CUL7: variants seen among roughly 807,000 people sequenced by gnomAD.
CUL7 encodes the protein cullin-7.
Under a neutral mutation model 177.7 loss-of-function variants are expected in CUL7, and 96 were observed. That is an observed-to-expected ratio of 0.54 (90% CI 0.46 to 0.64). The LOEUF (loss-of-function observed/expected upper bound fraction) is 0.64, where lower values mean the gene tolerates loss of function less well. Among genes scored for constraint, CUL7 ranks in the 30% least tolerant of loss-of-function variants. The pLI is 0.00. For missense variants in CUL7, 1,893 were observed against 2,187.9 expected (o/e 0.87, Z 2.69); for synonymous variants, 824 against 890.2 (o/e 0.93, Z 1.32).
chr6:43,049,748 T>C, intron 6 of CUL7, 86 bp from the exon 7 acceptor site: 2 of 1,543,342 alleles, frequency 1.3e-6, no homozygotes, highest in South Asian at 1.1e-5. Flanking sequence ...GGGGTCTCTC[T>C]GCACACATAC....
chr6:43,045,288 C>T lies in CUL7; in HGVS notation c.2977G>A (p.Ala993Thr). ...GCCATGTCCTGGCTCCAGGCCTGTG[C>T]CCGAACCATGTAGAAGAGGCGTGTG... ...RHTRLFYMVR[A>T]QAWSQDMAED... Residue 993 changes from alanine (A) to threonine (T), a missense_variant, in exon 15 of 26, where the codon GCA becomes ACA. By Grantham distance (58) the Ala-to-Thr change is moderately conservative. This residue lies in a region of CUL7 where 973 missense variants were observed against 1,140.9 expected (regional missense o/e 0.85). Coordinates refer to ENST00000265348, the MANE Select transcript of CUL7 (RefSeq NM_014780.5). This position sits in a 1 kb window ranked among gnomAD's most constrained non-coding sequence, Gnocchi z 4.8. 6.2e-7 allele frequency: 1 copy of T among 1,614,200 alleles called. No homozygotes were observed. The highest frequency in any genetic ancestry group is 8.5e-7 in the Non-Finnish European group (1 of 1,180,038).
In CUL7 at chr6:43,040,859, C is replaced by T. The variant is rs1004294897; in HGVS notation, c.3806+56G>A. On this transcript the variant is annotated intron_variant, in intron 20 of 25. Coordinates refer to ENST00000265348, the MANE Select transcript of CUL7 (RefSeq NM_014780.5). The surrounding 1 kb of genome is among the most constrained non-coding windows in gnomAD (Gnocchi z 4.2). ...CCAGACTTCCAGGCCCATGAGCTGG[C>T]TCTGCCACCATCATCCTGCCTCCCG... 3.7e-6 allele frequency: 6 copies of T among 1,605,680 alleles called. No individual in the cohort carries two copies. The highest frequency in any genetic ancestry group is 5.1e-6 in the Non-Finnish European group (6 of 1,174,194).
rs1173494063 is a variant in CUL7 at position 43,042,801 on chromosome 6, C to T, written c.3645+1G>A. Reference sequence around the variant, plus strand: ...AGGATGAGGCAAGGGTAGAGGCTTACGTGGGCAGCTTTGAGAAAAGGGAGC... The same window carrying T: ...AGGATGAGGCAAGGGTAGAGGCTTATGTGGGCAGCTTTGAGAAAAGGGAGC... On this transcript the variant is annotated splice_donor_variant, in intron 19 of 25. Coordinates refer to ENST00000265348, the MANE Select transcript of CUL7 (RefSeq NM_014780.5). LOFTEE classifies it high-confidence loss of function. The T allele has an allele frequency of 4.4e-6, 7 of 1,608,360 alleles. No individual in the cohort carries two copies. The highest frequency in any genetic ancestry group is 1.1e-5 in the South Asian group (1 of 90,706).
At chr6:43,042,340 T>G (rs1466333378) in intron 19 of CUL7, among the ~76,000 whole-genome samples, 1 of 152,094 alleles carries the variant, frequency 6.6e-6, no homozygotes, top group Admixed American at 6.5e-5. Context: ...TTTTTTTGTT[T>G]TTTTCTTTTT....
In CUL7 at chr6:43,045,647, G is replaced by A. The variant is rs144926293; in HGVS notation, c.2802C>T (p.Leu934=). ...NVMPSASRVI[L]LENLTRFWPI... ...GCCAGAAGCGGGTCAGGTTCTCCAG[G>A]AGGATCACCCGGCTGGCAGAGGGCA... is the stretch of plus-strand genomic sequence containing the variant. Residue 934 remains leucine, a synonymous_variant, in exon 14 of 26, where the codon CTC becomes CTT. Transcript: ENST00000265348. The surrounding 1 kb of genome is among the most constrained non-coding windows in gnomAD (Gnocchi z 4.8). 1.9e-6 allele frequency: 3 copies of A among 1,614,224 alleles called. No homozygotes were observed. The highest frequency in any genetic ancestry group is 1.7e-5 in the Admixed American group (1 of 60,024).
chr6:43,052,503 C>A lies in CUL7; in HGVS notation c.286G>T (p.Ala96Ser). ...GQVIGPSQES[A>S]GEVGALDKSV... is the part of the protein sequence containing the mutation. ...TTGTCCAGGGCCCCAACCTCCCCTG[C>A]AGACTCCTGGGAGGGCCCGATGACC... The change falls in exon 2 of 26, where the codon GCA (alanine) becomes TCA (serine). Residue 96 changes from alanine (A) to serine (S), a missense_variant. By Grantham distance (99) the Ala-to-Ser change is moderately conservative. This residue lies in a region of CUL7 where 653 missense variants were observed against 725.2 expected (regional missense o/e 0.90). Transcript: ENST00000265348. This position sits in a 1 kb window ranked among gnomAD's most constrained non-coding sequence, Gnocchi z 4.5. 1 of 1,614,214 alleles carries A rather than the reference C, an allele frequency of 6.2e-7. No homozygotes were observed. Among genetic ancestry groups the A allele is most frequent in the Non-Finnish European group, 8.5e-7 (1 of 1,180,046 alleles).
chr6:43,040,166 G>A lies in CUL7; in HGVS notation c.4284C>T (p.Phe1428=), dbSNP rs12203333. 48 of 1,614,046 alleles carry A rather than the reference G, an allele frequency of 3.0e-5. No homozygotes were observed. Among genetic ancestry groups the A allele is most frequent in the Non-Finnish European group, 3.8e-5 (45 of 1,180,034 alleles). The part of the protein sequence containing the change: ...LRGTLNRYSN[F]YNKSQSHPAL... Reference sequence around the variant, plus strand: ...TGCCTGGCTGCTCACTCTTGTTGTAGAAGTTGGAGTATCTGTTCAAAGTGC... The same window carrying A: ...TGCCTGGCTGCTCACTCTTGTTGTAAAAGTTGGAGTATCTGTTCAAAGTGC... Residue 1428 remains phenylalanine, a synonymous_variant, in exon 22 of 26, where the codon TTC becomes TTT. Coordinates refer to ENST00000265348, the MANE Select transcript of CUL7 (RefSeq NM_014780.5). This position sits in a 1 kb window ranked among gnomAD's most constrained non-coding sequence, Gnocchi z 4.2.
chr6:43,040,883 C>T lies in CUL7; in HGVS notation c.3806+32G>A, dbSNP rs368123883. 3.8e-5 allele frequency: 62 copies of T among 1,610,786 alleles called. No homozygotes were observed. Among genetic ancestry groups the T allele is most frequent in the South Asian group, 1.3e-4 (12 of 90,548 alleles). On this transcript the variant is annotated intron_variant, in intron 20 of 25. Coordinates refer to ENST00000265348, the MANE Select transcript of CUL7 (RefSeq NM_014780.5). This position sits in a 1 kb window ranked among gnomAD's most constrained non-coding sequence, Gnocchi z 4.2. The stretch of plus-strand genomic sequence containing the variant: ...GCTCTGCCACCATCATCCTGCCTCC[C>T]GCCAGCTCCCGCTCCTTAGGTCCAC...
chr6:43,046,774 G>C lies in CUL7; in HGVS notation c.2397+106C>G, dbSNP rs1763951732. ...GGGAACAAATGCCCCAGGGTCACTA[G>C]AGTCACCTGCTGTTCCCAGCCATGG... On this transcript the variant is annotated intron_variant, in intron 10 of 25. Transcript: ENST00000265348. 7 of 1,235,972 alleles carry C rather than the reference G, an allele frequency of 5.7e-6. No individual in the cohort carries two copies. In the South Asian group the frequency reaches 7.4e-5, roughly 13 times the overall value. 76.6% of individuals were successfully genotyped at this position (1,235,972 alleles called of 1,614,324 possible).
In CUL7 at chr6:43,052,342, G is replaced by C. The variant is rs758338667; in HGVS notation, c.447C>G (p.Ser149Arg). Residue 149 changes from serine to arginine, a missense_variant, in exon 2 of 26, where the codon AGC becomes AGG. By Grantham distance (110) the Ser-to-Arg change is moderately radical (BLOSUM62 -1). Transcript: ENST00000265348. The surrounding 1 kb of genome is among the most constrained non-coding windows in gnomAD (Gnocchi z 4.5). ...HTVHVLSAYA[S>R]IEPLTGVFKD... The stretch of plus-strand genomic sequence containing the variant: ...TGAATACTCCAGTGAGGGGCTCAAT[G>C]CTGGCATAGGCGCTGAGCACGTGGA... 2.7e-5 allele frequency: 43 copies of C among 1,614,260 alleles called. No individual in the cohort carries two copies. The highest frequency in any genetic ancestry group is 3.6e-5 in the Non-Finnish European group (42 of 1,180,036).
At position 43,048,158 on chromosome 6, in the gene CUL7, G is replaced by A. The variant is rs1334693533; in HGVS notation, c.2159C>T (p.Thr720Ile). 8.1e-6 allele frequency: 13 copies of A among 1,611,334 alleles called. No individual in the cohort carries two copies. The highest frequency in any genetic ancestry group is 1.1e-5 in the Non-Finnish European group (13 of 1,177,628). ...GCAGGGCAGGGGTACCTCTCGATCA[G>A]TGTTTGGGGACCGCAGGCAGGCCAT... ...ACMACLRSPN[T>I]DREVLQELIF... The change falls in exon 9 of 26, where the codon ACT becomes ATT. Residue 720 changes from threonine (T) to isoleucine (I), a missense_variant. By Grantham distance (89) the Thr-to-Ile change is moderately conservative. Transcript: ENST00000265348.
chr6:43,045,673 T>A lies in CUL7; in HGVS notation c.2776A>T (p.Met926Leu). The change falls in exon 14 of 26, where the codon ATG (methionine) becomes TTG (leucine). Residue 926 changes from methionine (M) to leucine (L), a missense_variant. By Grantham distance (15) the Met-to-Leu change is conservative. Around this residue, in one of 5 missense-constraint regions of CUL7, gnomAD observed 973 missense variants for 1,140.9 expected, o/e 0.85. Coordinates refer to ENST00000265348, the MANE Select transcript of CUL7 (RefSeq NM_014780.5). The surrounding 1 kb of genome is among the most constrained non-coding windows in gnomAD (Gnocchi z 4.8). ...LHTELNSVNV[M>L]PSASRVILLE... ...AGGATCACCCGGCTGGCAGAGGGCA[T>A]CACATTCACCTGGCAGGGGGCAGAG... The A allele has an allele frequency of 1.2e-6, 2 of 1,614,168 alleles. No homozygotes were observed. Among genetic ancestry groups the A allele is most frequent in the South Asian group, 2.2e-5 (2 of 91,086 alleles).
At position 43,052,729 on chromosome 6, in the gene CUL7, G is replaced by A. The variant is rs1764530830; in HGVS notation, c.60C>T (p.Ala20=). Reference sequence around the variant, plus strand: ...GCTGGCGGATCAGCTCATCAGGATAGGCATGTAAGCCGGGCCCCAGGGGCA... The same window carrying A: ...GCTGGCGGATCAGCTCATCAGGATAAGCATGTAAGCCGGGCCCCAGGGGCA... ...FRVPLGPGLH[A]YPDELIRQRV... is the part of the protein sequence containing the mutation. Residue 20 remains alanine, a synonymous_variant, in exon 2 of 26, where the codon GCC becomes GCT. Coordinates refer to ENST00000265348, the MANE Select transcript of CUL7 (RefSeq NM_014780.5). This position sits in a 1 kb window ranked among gnomAD's most constrained non-coding sequence, Gnocchi z 4.5. The A allele has an allele frequency of 6.2e-7, 1 of 1,612,310 alleles. No homozygotes were observed. Among genetic ancestry groups the A allele is most frequent in the Non-Finnish European group, 8.5e-7 (1 of 1,180,042 alleles).
chr6:43,037,685 G>C lies in CUL7; in HGVS notation c.*3C>G. 6.4e-7 allele frequency: 1 copy of C among 1,552,174 alleles called. No homozygotes were observed. Among genetic ancestry groups the C allele is most frequent in the East Asian group, 2.4e-5 (1 of 41,120 alleles). On this transcript the variant is annotated 3_prime_UTR_variant, in exon 26 of 26. Transcript: ENST00000265348. ...CTACCTTCCCCTGACCCCAAGTCTAGGGCTACCGGAAGGTAGAGAAGCTCT... is the reference window on the plus strand; with the variant it reads ...CTACCTTCCCCTGACCCCAAGTCTACGGCTACCGGAAGGTAGAGAAGCTCT...
chr6:43,046,055 A>G lies in CUL7; in HGVS notation c.2697T>C (p.Ser899=). The change falls in exon 13 of 26, where the codon AGT becomes AGC. Residue 899 remains serine, a synonymous_variant. Transcript: ENST00000265348. ...LTLLVASEDS[S]YMPARVVVCG... ...ACACCACCACTCGGGCCGGCATGTAACTCGAGTCCTCACTAGCCACAAGCA... is the reference window on the plus strand; with the variant it reads ...ACACCACCACTCGGGCCGGCATGTAGCTCGAGTCCTCACTAGCCACAAGCA... 1 of 1,614,082 alleles carries G rather than the reference A, an allele frequency of 6.2e-7. No homozygotes were observed. The highest frequency in any genetic ancestry group is 8.5e-7 in the Non-Finnish European group (1 of 1,179,978).
In CUL7 at chr6:43,049,394, G is replaced by A; in HGVS notation, c.1825+13C>T. The stretch of plus-strand genomic sequence containing the variant: ...GAAGGTGTGTCAGCTCAGCTGCTGT[G>A]TCTGGCACCCACCTTCCACTTTGGC... On this transcript the variant is annotated intron_variant, in intron 7 of 25. Transcript: ENST00000265348. 6.2e-7 allele frequency: 1 copy of A among 1,614,136 alleles called. No individual in the cohort carries two copies. The highest frequency in any genetic ancestry group is 8.5e-7 in the Non-Finnish European group (1 of 1,180,042).
chr6:43,048,587 T>C lies in CUL7; in HGVS notation c.1826-18A>G. On this transcript the variant is annotated intron_variant, in intron 7 of 25. Coordinates refer to ENST00000265348, the MANE Select transcript of CUL7 (RefSeq NM_014780.5). ...TTCTTTTGCTACAGGAAGGGGACAGTCACAGGAGTTGGCCATTGTTAGTAA... is the reference window on the plus strand; with the variant it reads ...TTCTTTTGCTACAGGAAGGGGACAGCCACAGGAGTTGGCCATTGTTAGTAA... 1 of 1,570,802 alleles carries C rather than the reference T, an allele frequency of 6.4e-7. No homozygotes were observed. The highest frequency in any genetic ancestry group is 1.1e-5 in the South Asian group (1 of 90,160).
chr6:43,038,657 C>T lies in CUL7; in HGVS notation c.4476G>A (p.Gly1492=), dbSNP rs1215446321. 1 of 1,613,996 alleles carries T rather than the reference C, an allele frequency of 6.2e-7. No homozygotes were observed. Residue 1492 remains glycine (G), a synonymous_variant, in exon 24 of 26, where the codon GGG becomes GGA. Coordinates refer to ENST00000265348, the MANE Select transcript of CUL7 (RefSeq NM_014780.5). The stretch of plus-strand genomic sequence containing the variant: ...CCTGATTGAGCATGTCTGCGGAGAG[C>T]CCTGAGAACGCCAGCAGACTCTCCA... ...VSVESLLAFS[G]LSADMLNQAI... is the part of the protein sequence containing the mutation.
chr6:43,053,730 C>A lies in CUL7; in HGVS notation c.-117G>T, dbSNP rs1261174663. 14 of 1,469,524 alleles carry A rather than the reference C, an allele frequency of 9.5e-6. No individual in the cohort carries two copies. Among genetic ancestry groups the A allele is most frequent in the Non-Finnish European group, 1.3e-5 (14 of 1,113,008 alleles). 91.0% of individuals were successfully genotyped at this position (1,469,524 alleles called of 1,614,324 possible). Reference sequence around the variant, plus strand: ...CCCCACCTGGGCCCCGCGAGGGGGTCGAGACGGAGAGACGGGAGGGGGCGT... The same window carrying A: ...CCCCACCTGGGCCCCGCGAGGGGGTAGAGACGGAGAGACGGGAGGGGGCGT... On this transcript the variant is annotated 5_prime_UTR_variant, in exon 1 of 26. Coordinates refer to ENST00000265348, the MANE Select transcript of CUL7 (RefSeq NM_014780.5). This position sits in a 1 kb window ranked among gnomAD's most constrained non-coding sequence, Gnocchi z 4.1.
Sources: allele counts gnomAD v4.1 joint callset (sites outside exome capture counted in the v4.1 genomes callset), GRCh38; gene constraint gnomAD v4.1.1; regional missense constraint gnomAD v4.1.1; non-coding constraint Gnocchi (gnomAD v3.1); transcripts MANE v1.5; gene names NCBI Gene and HGNC (gene_info 2026-07-23, HGNC 2026-07-21).